The following COL6A6 variants were observed in gnomAD, a reference collection of about 807,000 sequenced individuals.
COL6A6 encodes the protein collagen type VI alpha 6 chain, also known as collagen alpha-6(VI) chain.
COL6A6 carries 183 observed loss-of-function variants against 208.6 expected under a neutral mutation model. That is an observed-to-expected ratio of 0.88 (90% confidence interval 0.78 to 0.99). The LOEUF is 0.99. Ranked by LOEUF, COL6A6 falls within the 50% of genes least tolerant of loss-of-function variation. The pLI is 0.00. For missense variants in COL6A6, 2,816 were observed against 2,815.2 expected (o/e 1.00, Z -0.01); for synonymous variants, 973 against 1,011.8 (o/e 0.96, Z 0.73).
chr3:130,649,582 C>T lies in COL6A6; in HGVS notation c.5733+20C>T. 2 of 1,541,770 alleles carry T rather than the reference C, an allele frequency of 1.3e-6. No individual in the cohort carries two copies. The highest frequency in any genetic ancestry group is 1.7e-6 in the Non-Finnish European group (2 of 1,143,880). On this transcript the variant is annotated intron_variant, in intron 33 of 36. Transcript: ENST00000358511. ...TTTGCGGTATGAGGATGAAACCTTT[C>T]ACATGACAATTCTTACTTATCTTGC... is the stretch of plus-strand genomic sequence containing the variant.
rs1330802067 is a variant in COL6A6, at chr3:130,676,510, G to T, written c.*1113G>T. 6.6e-6 allele frequency: 1 copy of T among 152,200 alleles called. No homozygotes were observed. Among genetic ancestry groups the T allele is most frequent in the African/African-American group, 2.4e-5 (1 of 41,448 alleles). 9.4% of individuals were successfully genotyped at this position (152,200 alleles called of 1,614,324 possible). Reference sequence around the variant, plus strand: ...ATGTTCAGACCTTACCTCAGTCTAAGAGCTGGCTCCACAGTTGGTAGCAAT... The same window carrying T: ...ATGTTCAGACCTTACCTCAGTCTAATAGCTGGCTCCACAGTTGGTAGCAAT... On this transcript the variant is annotated 3_prime_UTR_variant, in exon 37 of 37. Coordinates refer to ENST00000358511, the MANE Select transcript of COL6A6 (RefSeq NM_001102608.3).
chr3:130,572,969 C>G (rs899656626), intron 7 of COL6A6, among the ~76,000 whole-genome samples: 4 of 152,162 alleles, frequency 2.6e-5, no homozygotes, highest in African/African-American at 4.8e-5. Context: ...GCAGTGGTCT[C>G]TCATGTTCTT....
At chr3:130,620,939 A>T (rs943639140) in intron 23 of COL6A6, among the ~76,000 whole-genome samples, 3 of 152,204 alleles carry the variant, frequency 2.0e-5, no homozygotes, top group Non-Finnish European at 4.4e-5. Context: ...TTCTCTTTCC[A>T]TATGTTTAGA....
chr3:130,628,504 T>G (rs1372466742), intron 26 of COL6A6, among the ~76,000 whole-genome samples: 1 of 152,210 alleles, frequency 6.6e-6, no homozygotes, highest in Non-Finnish European at 1.5e-5. Flanking sequence ...TGATTTTTCT[T>G]CTTTCTATTT....
intron 1 of COL6A6, among the ~76,000 whole-genome samples, chr3:130,518,826 G>A (rs1710897225): frequency 6.6e-6 from 1 of 152,084 alleles, no homozygotes; most frequent in Non-Finnish European, 1.5e-5. Context: ...GAAGTGCAGA[G>A]GAGAGAAAAA....
Position 130,665,044 on chromosome 3 carries a change from T to C in COL6A6, c.6544T>C (p.Cys2182Arg). The C allele has an allele frequency of 6.2e-7, 1 of 1,609,918 alleles. No individual in the cohort carries two copies. The highest frequency in any genetic ancestry group is 1.1e-5 in the South Asian group (1 of 89,910). ...TCCACCAATAAACTTAAAAATAAAG[T>C]GCAACAGACTTAACTCTATAGATCC... ...KYPPINLKIK[C>R]NRLNSIDPKQ... is the part of the protein sequence containing the mutation. The change falls in exon 36 of 37, where the codon TGC (cysteine) becomes CGC (arginine). Residue 2182 changes from cysteine (C) to arginine (R), a missense_variant. By Grantham distance (180) the Cys-to-Arg change is radical (BLOSUM62 -3). Coordinates refer to ENST00000358511, the MANE Select transcript of COL6A6 (RefSeq NM_001102608.3).
At chr3:130,608,790 TGCAAAGATCCTGCATTGACATTGTGAC>T in intron 21 of COL6A6, 85 bp from the exon 22 acceptor site, 2 of 195,086 alleles carry the variant, frequency 1.0e-5, no homozygotes, top group Non-Finnish European at 2.1e-5. Flanking sequence ...TTTTTTTTTT[TGCAAAGATCCTGCATTGACATTGTGAC>T]TGAAAAAATA....
At chr3:130,545,151 T>A (rs1321158060) in intron 1 of COL6A6, among the ~76,000 whole-genome samples, 1 of 152,194 alleles carries the variant, frequency 6.6e-6, no homozygotes, top group Non-Finnish European at 1.5e-5. Context: ...TTTTATCATA[T>A]CAGGTCTTAT....
At chr3:130,563,995 T>C (rs2062958572) in intron 3 of COL6A6, among the ~76,000 whole-genome samples, 2 of 152,240 alleles carry the variant, frequency 1.3e-5, no homozygotes, top group Admixed American at 6.5e-5. Flanking sequence ...ACTGGTTCAT[T>C]GAAAAGGTAA....
intron 26 of COL6A6, among the ~76,000 whole-genome samples, chr3:130,629,012 A>G (rs2064978874): frequency 1.4e-5 from 1 of 69,242 alleles, no homozygotes; most frequent in Non-Finnish European, 2.3e-5. Context: ...AAAGGAACGC[A>G]GTTCCTCACC....
At chr3:130,610,932 C>T (rs1039594348) in intron 23 of COL6A6, among the ~76,000 whole-genome samples, 1 of 152,160 alleles carries the variant, frequency 6.6e-6, no homozygotes, top group Non-Finnish European at 1.5e-5. Context: ...CCCTCTTTGC[C>T]TCAGCTGCTC....
intron 1 of COL6A6, among the ~76,000 whole-genome samples, chr3:130,539,632 CA>C (rs67040926): frequency 0.013 from 1,801 of 137,432 alleles, 35 homozygotes; most frequent in African/African-American, 0.045. Flanking sequence ...GACTCCGTCT[CA>C]AAAAAAAAAA....
intron 20 of COL6A6, among the ~76,000 whole-genome samples, chr3:130,606,133 A>G (rs1012781392): frequency 6.6e-5 from 10 of 152,248 alleles, no homozygotes; most frequent in African/African-American, 2.4e-4. Context: ...CTCAAATTTC[A>G]ATCAAGACAA....
At position 130,565,365 on chromosome 3, in the gene COL6A6, G is replaced by A. The variant is rs4613427; in HGVS notation, c.1033G>A (p.Glu345Lys). 5.6e-6 allele frequency: 9 copies of A among 1,613,990 alleles called. 1 individual carries two copies. Among genetic ancestry groups the A allele is most frequent in the Middle Eastern group, 3.3e-4 (2 of 6,062 alleles). Residue 345 changes from glutamate (E) to lysine (K), a missense_variant, in exon 4 of 37, where the codon GAA (glutamate) becomes AAA (lysine). Glu to Lys is a moderately conservative substitution (Grantham distance 56, BLOSUM62 1). Coordinates refer to ENST00000358511, the MANE Select transcript of COL6A6 (RefSeq NM_001102608.3). ...IAVLVTHRDSEDNVTKAAVNL... is the reference protein window; with the variant it reads ...IAVLVTHRDSKDNVTKAAVNL... ...CGTGCTGGTGACCCACCGAGATTCA[G>A]AAGACAACGTGACAAAAGCAGCTGT...
At chr3:130,592,218 T>TC (rs2063734030) in intron 13 of COL6A6, among the ~76,000 whole-genome samples, 1 of 152,056 alleles carries the variant, frequency 6.6e-6, no homozygotes, top group Admixed American at 6.5e-5. Flanking sequence ...AGTCTTGCAG[T>TC]CATAGATGCA....
intron 1 of COL6A6, among the ~76,000 whole-genome samples, chr3:130,543,483 C>T (rs1313825421): frequency 6.6e-6 from 1 of 152,060 alleles, no homozygotes; most frequent in African/African-American, 2.4e-5. Context: ...TACATTTTCC[C>T]TCCCTGCTTA....
intron 28 of COL6A6, 150 bp downstream of exon 28, chr3:130,635,911 G>GA: frequency 1.6e-6 from 1 of 627,736 alleles, no homozygotes. Context: ...AAGGGGAATG[G>GA]ATAGTCATCT....
At chr3:130,563,750 T>C (rs1331733966) in intron 3 of COL6A6, 86 bp downstream of exon 3, 1 of 896,040 alleles carries the variant, frequency 1.1e-6, no homozygotes, top group Non-Finnish European at 1.7e-6. Context: ...CTATGAATAT[T>C]CCTATCCCCA....
chr3:130,642,905 C>T (rs746085535), intron 30 of COL6A6, 38 bp downstream of exon 30: 1 of 1,612,988 alleles, frequency 6.2e-7, no homozygotes, highest in Non-Finnish European at 8.5e-7. Flanking sequence ...GCTCTGAGTG[C>T]TCCATTCAAT....
Sources: gnomAD v4.1 joint callset for allele counts (sites outside exome capture counted in the v4.1 genomes callset) on GRCh38, gnomAD v4.1.1 for gene constraint, MANE v1.5 for transcripts, NCBI Gene and HGNC (gene_info 2026-07-23, HGNC 2026-07-21) for gene names.